The following ZNF18 variants were observed in gnomAD, a reference collection of about 807,000 sequenced individuals.
ZNF18 encodes the protein zinc finger protein 18, also known as heart development-specific gene 1 protein.
A neutral mutation model predicts 58.1 loss-of-function variants in ZNF18; 42 were observed. The ratio of observed to expected loss-of-function variants is 0.72; its 90% CI spans 0.56 to 0.93. The LOEUF (loss-of-function observed/expected upper bound fraction) is 0.93, where lower values mean the gene tolerates loss of function less well. Among genes scored for constraint, ZNF18 ranks in the 40% least tolerant of loss-of-function variants. ZNF18 has a pLI of 0.00. For synonymous variants in ZNF18, 231 were observed against 239.8 expected (o/e 0.96, Z 0.34); for missense variants, 540 against 644.2 (o/e 0.84, Z 1.75).
chr17:12,016,963 A>C, the ZNF18 span, among the ~76,000 whole-genome samples: 1 of 152,052 alleles, frequency 6.6e-6, no homozygotes, highest in Non-Finnish European at 1.5e-5. Context: ...TTGGGAGACC[A>C]AGGCGGGTGG....
chr17:12,021,490 C>G, the ZNF18 span: 20 of 152,018 alleles, frequency 1.3e-4, no homozygotes, highest in African/African-American at 4.8e-4. Context: ...GGGCCCCGCT[C>G]AGGGCCATCT....
chr17:12,003,801 A>G, the ZNF18 span, among the ~76,000 whole-genome samples: 1 of 152,206 alleles, frequency 6.6e-6, no homozygotes, highest in Admixed American at 6.5e-5. Flanking sequence ...GACACGACAA[A>G]GAAGTTAAGC....
the ZNF18 span, among the ~76,000 whole-genome samples, chr17:12,011,429 A>C: frequency 6.6e-6 from 1 of 152,104 alleles, no homozygotes; most frequent in Non-Finnish European, 1.5e-5. Context: ...TCTGTCGCCT[A>C]GGCTGGAGTG....
chr17:12,020,962 TC>T, the ZNF18 span: 2 of 1,204,710 alleles, frequency 1.7e-6, no homozygotes, highest in Non-Finnish European at 2.1e-6. Flanking sequence ...CCCCGTAGGG[TC>T]CCCGGCGCCA....
the ZNF18 span, among the ~76,000 whole-genome samples, chr17:12,013,021 G>A: frequency 2.0e-5 from 3 of 151,546 alleles, no homozygotes; most frequent in African/African-American, 4.9e-5. Context: ...GCGCGATCTC[G>A]GCTCACTGCA....
the ZNF18 span, chr17:12,020,695 C>G: frequency 2.8e-6 from 1 of 357,934 alleles, no homozygotes; most frequent in Non-Finnish European, 5.0e-6. Flanking sequence ...CACCCAGAGC[C>G]GGGCGGTTCT....
the ZNF18 span, chr17:12,021,006 G>A: frequency 8.3e-7 from 1 of 1,207,832 alleles, no homozygotes; most frequent in East Asian, 3.4e-5. Context: ...TGCAGGGTAA[G>A]GAACGCGGCC....
chr17:12,011,686 A>G, the ZNF18 span, among the ~76,000 whole-genome samples: 4 of 119,936 alleles, frequency 3.3e-5, no homozygotes, highest in Non-Finnish European at 6.9e-5. Context: ...GCCCAGCCAA[A>G]TGTTCTTAAT....
chr17:12,012,819 G>A, the ZNF18 span, among the ~76,000 whole-genome samples: 1 of 152,116 alleles, frequency 6.6e-6, no homozygotes, highest in African/African-American at 2.4e-5. Context: ...GGGATTATAG[G>A]TGTGAGTCAA....
At chr17:12,011,397 T>A in the ZNF18 span, 38,494 of 172,362 alleles carry the variant, frequency 0.22, 4,543 homozygotes, top group Non-Finnish European at 0.25. Context: ...TATTATTATT[T>A]TTTTTTGAGA....
the ZNF18 span, among the ~76,000 whole-genome samples, chr17:12,020,346 C>T: frequency 7.0e-4 from 107 of 152,248 alleles, no homozygotes; most frequent in African/African-American, 2.5e-3. Context: ...CTTGGGACTC[C>T]CCTTTCCCCT....
intron 1 of ZNF18, among the ~76,000 whole-genome samples, chr17:11,996,329 G>A (rs768562716): frequency 2.0e-5 from 3 of 152,110 alleles, no homozygotes; most frequent in Non-Finnish European, 4.4e-5. Flanking sequence ...ATAACAAGCG[G>A]CAAGATTTTA....
chr17:11,978,836 TTTTC>T (rs1393979301), intron 6 of ZNF18, 92 bp from the exon 7 acceptor site: 2 of 553,992 alleles, frequency 3.6e-6, no homozygotes, highest in Non-Finnish European at 5.4e-6. Context: ...AAAACATTCA[TTTTC>T]TTTTTTTTTT....
At chr17:11,982,460 C>T (rs1967421965) in intron 6 of ZNF18, among the ~76,000 whole-genome samples, 1 of 151,926 alleles carries the variant, frequency 6.6e-6, no homozygotes, top group Non-Finnish European at 1.5e-5. Context: ...AGAAGAAATC[C>T]TTGTGAAATG....
the ZNF18 span, among the ~76,000 whole-genome samples, chr17:12,006,739 C>G: frequency 6.7e-6 from 1 of 150,146 alleles, no homozygotes; most frequent in Admixed American, 6.6e-5. Flanking sequence ...TGCCGAAGCT[C>G]AAAAAAAAGA....
the ZNF18 span, among the ~76,000 whole-genome samples, chr17:12,015,496 A>G: frequency 1.3e-5 from 2 of 152,136 alleles, no homozygotes; most frequent in Non-Finnish European, 1.5e-5. Flanking sequence ...AATTTAGCAA[A>G]ATGTTTAACT....
rs1245705887 is a variant in ZNF18 at position 11,978,643 on chromosome 17, G to A, written c.964C>T (p.Gln322Ter). The change falls in exon 7 of 7, where the codon CAG becomes TAG. Residue 322 changes from glutamine to a stop codon, truncating the protein, a stop_gained. Transcript: ENST00000580306. LOFTEE classifies it high-confidence loss of function. The part of the protein sequence containing the change: ...SCQASGEVPS[Q>*]ASLRGFFTED... ...GTGAAGAAGCCCCTCAAGGAAGCCT[G>A]AGAAGGAACCTCTCCTGAAGCTTGA... 1 of 1,613,774 alleles carries A rather than the reference G, an allele frequency of 6.2e-7. No individual in the cohort carries two copies. Among genetic ancestry groups the A allele is most frequent in the Non-Finnish European group, 8.5e-7 (1 of 1,180,020 alleles).
upstream of ZNF18, among the ~76,000 whole-genome samples, chr17:11,997,994 C>T (rs930643530): frequency 2.0e-5 from 3 of 152,160 alleles, no homozygotes; most frequent in Non-Finnish European, 4.4e-5. Context: ...CCCACTTCTC[C>T]CCATTCCGTT....
In ZNF18 at chr17:11,981,089, GC is replaced by G. The variant is rs568428523; in HGVS notation, c.862+2207del. ...ATATTCACTCTCTATATTGACTTTTGCCCCTGATCTGAGTCCAGATTTGGTA... is the reference window on the plus strand; with the variant it reads ...ATATTCACTCTCTATATTGACTTTTGCCCTGATCTGAGTCCAGATTTGGTA... On this transcript the variant is annotated intron_variant, in intron 6 of 6. Coordinates refer to ENST00000580306, the MANE Select transcript of ZNF18 (RefSeq NM_001303281.2). 1.8e-3 allele frequency among the ~76,000 whole-genome samples: 266 copies of G among 151,980 alleles called. 3 individuals are homozygous for G. Among genetic ancestry groups the G allele is most frequent in the African/African-American group, 5.8e-3 (241 of 41,434 alleles).
Sources: allele counts gnomAD v4.1 joint callset (sites outside exome capture counted in the v4.1 genomes callset), GRCh38; gene constraint gnomAD v4.1.1; transcripts MANE v1.5; gene names NCBI Gene and HGNC (gene_info 2026-07-23, HGNC 2026-07-21).